Variants in GNB5 observed in about 807,000 individuals in gnomAD.
GNB5 encodes the protein G protein subunit beta 5.
GNB5 carries 37 observed loss-of-function variants against 55.3 expected under a neutral mutation model. The observed-to-expected ratio is 0.67, with a 90% CI of 0.51 to 0.88. GNB5 has a LOEUF of 0.88. Ranked by LOEUF, GNB5 falls within the 40% of genes least tolerant of loss-of-function variation. The pLI is 0.00. For missense variants in GNB5, 476 were observed against 515.3 expected, an observed-to-expected ratio of 0.92 and a Z score of 0.74; for synonymous variants, 219 against 198.5, an observed-to-expected ratio of 1.10 and a Z score of -0.87.
intron 3 of GNB5, among the ~76,000 whole-genome samples, chr15:52,171,093 CAAAAAAAAA>C (rs58181494): frequency 2.8e-5 from 2 of 72,648 alleles, no homozygotes; most frequent in African/African-American, 8.3e-5. Flanking sequence ...ACTCTATCTC[CAAAAAAAAA>C]AAAAAAAAAA....
chr15:52,124,437 C>T, intron 12 of GNB5, 36 bp downstream of exon 12: 2 of 1,566,266 alleles, frequency 1.3e-6, no homozygotes, highest in South Asian at 2.3e-5. Flanking sequence ...CCTCTCTCCT[C>T]TCACACACAG....
chr15:52,140,063 A>C lies in GNB5; in HGVS notation c.627+1077T>G, dbSNP rs113370891. 74 of 854,492 alleles carry C rather than the reference A, an allele frequency of 8.7e-5. 2 individuals are homozygous for C. The African/African-American group carries it at 1.1e-3, about 12-fold the overall frequency. The allele number at this position is 854,492 out of a possible 1,614,324, so 52.9% of individuals were successfully genotyped here. A position where few individuals can be genotyped will look rare whatever the true frequency, so the allele number is the denominator to read the frequency against. On this transcript the variant is annotated intron_variant, in intron 7 of 12. Coordinates refer to ENST00000261837, the MANE Select transcript of GNB5 (RefSeq NM_016194.4). ...TCTGCAAGATTCCTGGTTAGGCTCA[A>C]ATAATAGGTGTAAACAACAGGGGCA...
chr15:52,131,757 GA>G (rs1162663967), intron 9 of GNB5, among the ~76,000 whole-genome samples: 4 of 152,124 alleles, frequency 2.6e-5, no homozygotes, highest in African/African-American at 9.7e-5. Flanking sequence ...GTTTTTAAGA[GA>G]AATAATTCTC....
At chr15:52,154,550 A>G (rs1037532901) in intron 3 of GNB5, among the ~76,000 whole-genome samples, 1 of 152,206 alleles carries the variant, frequency 6.6e-6, no homozygotes, top group East Asian at 1.9e-4. Context: ...TGGGGCTTCT[A>G]GTTCTCCTGC....
chr15:52,142,737 C>T (rs904137802), intron 6 of GNB5, among the ~76,000 whole-genome samples: 2 of 152,158 alleles, frequency 1.3e-5, no homozygotes, highest in African/African-American at 4.8e-5. Context: ...AATGGGGTCA[C>T]TTTTTTCTGA....
At chr15:52,172,977 C>T (rs1029546138) in intron 3 of GNB5, among the ~76,000 whole-genome samples, 4 of 151,962 alleles carry the variant, frequency 2.6e-5, no homozygotes, top group South Asian at 2.1e-4. Flanking sequence ...CCTTTTCATA[C>T]GTGGATTTAC....
intron 3 of GNB5, among the ~76,000 whole-genome samples, chr15:52,155,768 G>A (rs2034195625): frequency 1.3e-5 from 2 of 152,216 alleles, no homozygotes; most frequent in Non-Finnish European, 2.9e-5. Flanking sequence ...CTGAGTTAAT[G>A]TCACTGCATC....
At chr15:52,179,941 G>GCGCCGCTCCAGCAGC in intron 2 of GNB5, 62 bp from the exon 3 acceptor site, 1 of 1,437,118 alleles carries the variant, frequency 7.0e-7, no homozygotes, top group Non-Finnish European at 9.2e-7. Context: ...GCCGCGGCGG[G>GCGCCGCTCCAGCAGC]CGCCGCTCCA....
intron 11 of GNB5, 199 bp downstream of exon 11, chr15:52,125,748 CT>C (rs2033407520): frequency 1.8e-6 from 1 of 556,430 alleles, no homozygotes; most frequent in Non-Finnish European, 3.2e-6. Context: ...TCATTTCCCC[CT>C]GGAGTGAAGT....
intron 3 of GNB5, among the ~76,000 whole-genome samples, chr15:52,170,871 T>C (rs975719673): frequency 1.3e-5 from 2 of 151,898 alleles, no homozygotes; most frequent in Admixed American, 6.6e-5. Context: ...TTTGAGAGGC[T>C]GAGGCAGGCA....
chr15:52,154,225 C>T lies in GNB5; in HGVS notation c.239-149G>A, dbSNP rs1230966296. On this transcript the variant is annotated intron_variant, in intron 3 of 12. Coordinates refer to ENST00000261837, the MANE Select transcript of GNB5 (RefSeq NM_016194.4). ...CACAGCTTGATTCTCTGATTCCTTA[C>T]CATTGCATCCTAGCAGCACTCCTTC... 6.4e-6 allele frequency: 4 copies of T among 624,102 alleles called. No homozygotes were observed. The Admixed American group carries it at 1.2e-4, about 19-fold the overall frequency. 38.7% of individuals were successfully genotyped at this position (624,102 alleles called of 1,614,324 possible).
intron 5 of GNB5, among the ~76,000 whole-genome samples, chr15:52,148,060 C>CAAA (rs386382991): frequency 0.022 from 2,932 of 135,482 alleles, 101 homozygotes; most frequent in Admixed American, 0.097. Flanking sequence ...CTAGCAAAAG[C>CAAA]AAAAAAAAAA....
chr15:52,166,156 T>C (rs2034446621), intron 3 of GNB5, among the ~76,000 whole-genome samples: 2 of 152,174 alleles, frequency 1.3e-5, no homozygotes, highest in African/African-American at 2.4e-5. Context: ...TCTAAATATA[T>C]ATGCACCCAA....
chr15:52,128,453 G>C, intron 9 of GNB5: 2 of 618,190 alleles, frequency 3.2e-6, no homozygotes, highest in South Asian at 3.9e-5. Flanking sequence ...TGGCCTTGCA[G>C]AGTGAGATAA....
At chr15:52,158,682 T>A (rs146241652) in intron 3 of GNB5, among the ~76,000 whole-genome samples, 333 of 151,988 alleles carry the variant, frequency 2.2e-3, no homozygotes, top group Non-Finnish European at 3.8e-3. Flanking sequence ...TTTTTTCTTT[T>A]CCCCCTCCTG....
chr15:52,185,753 TTTATTATTA>T (rs9302164), intron 1 of GNB5, among the ~76,000 whole-genome samples: 8,650 of 136,658 alleles, frequency 0.063, 384 homozygotes, highest in African/African-American at 0.13. Context: ...TATTCATCTT[TTTATTATTA>T]TTATTATTAT....
At chr15:52,138,812 T>C (rs1483287852) in intron 7 of GNB5, 2 of 152,232 alleles carry the variant, frequency 1.3e-5, no homozygotes, top group Non-Finnish European at 2.9e-5. Context: ...TACTGTTTGA[T>C]CAAAGAAATG....
intron 2 of GNB5, chr15:52,181,276 AG>A (rs1325037852): frequency 6.6e-6 from 1 of 152,216 alleles, no homozygotes; most frequent in Admixed American, 6.5e-5. Flanking sequence ...TATCTGGAAA[AG>A]CTTCTTCATA....
At chr15:52,152,949 G>C (rs943250861) in intron 4 of GNB5, among the ~76,000 whole-genome samples, 4 of 152,212 alleles carry the variant, frequency 2.6e-5, no homozygotes, top group Non-Finnish European at 5.9e-5. Context: ...TGTGACTTCA[G>C]TTTATAGCTT....
Sources: allele counts gnomAD v4.1 joint callset (sites outside exome capture counted in the v4.1 genomes callset), GRCh38; gene constraint gnomAD v4.1.1; transcripts MANE v1.5; gene names NCBI Gene and HGNC (gene_info 2026-07-23, HGNC 2026-07-21).